Variants in ST8SIA6 observed in about 807,000 individuals in gnomAD.
ST8SIA6 encodes the protein ST8 alpha-N-acetyl-neuraminide alpha-2,8-sialyltransferase 6, also known as alpha-2,8-sialyltransferase 8F.
A neutral mutation model predicts 33.6 loss-of-function variants in ST8SIA6; 39 were observed. The ratio of observed to expected loss-of-function variants is 1.16; its 90% CI spans 0.90 to 1.52. The LOEUF (loss-of-function observed/expected upper bound fraction) is 1.52. ST8SIA6 is among the 40% of genes most tolerant of loss of function. The pLI is 0.00. For missense variants in ST8SIA6, 441 were observed against 443.8 expected, an observed-to-expected ratio of 0.99 and a Z score of 0.06; for synonymous variants, 172 against 167.2, an observed-to-expected ratio of 1.03 and a Z score of -0.22.
intron 2 of ST8SIA6, among the ~76,000 whole-genome samples, chr10:17,450,088 T>C (rs1422696603): frequency 1.3e-5 from 2 of 152,192 alleles, no homozygotes; most frequent in Non-Finnish European, 2.9e-5. Flanking sequence ...GAGGTGGCTG[T>C]GGAGCTAGCT....
chr10:17,428,049 C>A (rs1851990642), intron 2 of ST8SIA6, among the ~76,000 whole-genome samples: 1 of 152,214 alleles, frequency 6.6e-6, no homozygotes, highest in South Asian at 2.1e-4. Flanking sequence ...CATTTTGAGA[C>A]ATTGTTTTGA....
At chr10:17,407,166 C>A (rs544942173) in intron 2 of ST8SIA6, among the ~76,000 whole-genome samples, 216 of 152,306 alleles carry the variant, frequency 1.4e-3, no homozygotes, top group Non-Finnish European at 2.5e-3. Flanking sequence ...ACCCACATAG[C>A]TTAAAGTCAG....
chr10:17,342,833 C>T (rs1483670309), intron 4 of ST8SIA6, among the ~76,000 whole-genome samples: 1 of 152,130 alleles, frequency 6.6e-6, no homozygotes, highest in African/African-American at 2.4e-5. Flanking sequence ...CCTGTAGTCC[C>T]AGCTACTCAG....
intron 2 of ST8SIA6, among the ~76,000 whole-genome samples, chr10:17,397,674 T>C (rs2131673445): frequency 6.6e-6 from 1 of 152,306 alleles, no homozygotes; most frequent in Non-Finnish European, 1.5e-5. Flanking sequence ...TTGTTAACCA[T>C]TAATTGGTAC....
At position 17,320,852 on chromosome 10, in the gene ST8SIA6, A is replaced by G; in HGVS notation, c.*26T>C. 1 of 1,605,210 alleles carries G rather than the reference A, an allele frequency of 6.2e-7. No homozygotes were observed. The highest frequency in any genetic ancestry group is 8.5e-7 in the Non-Finnish European group (1 of 1,172,714). On this transcript the variant is annotated 3_prime_UTR_variant, in exon 8 of 8. Transcript: ENST00000377602. ...TAATCACCTACTGCATTATATTAAA[A>G]TTATTCCCATTTTAAGATACTTTGT...
intron 2 of ST8SIA6, 142 bp downstream of exon 2, chr10:17,453,416 TC>T (rs1383495724): frequency 3.4e-5 from 16 of 477,396 alleles, no homozygotes; most frequent in African/African-American, 2.6e-4. Flanking sequence ...CCCCGCGCCC[TC>T]TTCAAACACA....
At chr10:17,368,781 G>A (rs1849643275) in intron 3 of ST8SIA6, among the ~76,000 whole-genome samples, 1 of 152,096 alleles carries the variant, frequency 6.6e-6, no homozygotes, top group Non-Finnish European at 1.5e-5. Flanking sequence ...AAAGGCTGGA[G>A]GTAAAGGCAG....
At chr10:17,395,625 G>A (rs1051086844) in intron 2 of ST8SIA6, among the ~76,000 whole-genome samples, 2 of 152,182 alleles carry the variant, frequency 1.3e-5, no homozygotes, top group Admixed American at 1.3e-4. Context: ...GCTAATGCCT[G>A]TAATCTGAGC....
chr10:17,453,821 G>A (rs1564473144), intron 1 of ST8SIA6, among the ~76,000 whole-genome samples, 164 bp from the exon 2 acceptor site: 1 of 152,226 alleles, frequency 6.6e-6, no homozygotes, highest in Non-Finnish European at 1.5e-5. Context: ...CGGGAAGGAA[G>A]AGACAGCAAG....
intron 2 of ST8SIA6, chr10:17,413,226 G>A (rs182696224): frequency 2.7e-5 from 4 of 150,812 alleles, no homozygotes; most frequent in East Asian, 1.9e-4. Flanking sequence ...GGCATTGAAC[G>A]CTTCCATTTA....
intron 2 of ST8SIA6, among the ~76,000 whole-genome samples, chr10:17,451,105 ATTTCTTAAGGATTCAATGAATTAAATG>A (rs78300360): frequency 0.039 from 5,971 of 152,268 alleles, 171 homozygotes; most frequent in South Asian, 0.057. Flanking sequence ...TTGTCTTAGT[ATTTCTTAAGGATTCAATGAATTAAATG>A]TAAAGTGCTT....
intron 2 of ST8SIA6, among the ~76,000 whole-genome samples, chr10:17,405,409 T>A (rs1339259515): frequency 6.6e-6 from 1 of 151,750 alleles, no homozygotes; most frequent in Non-Finnish European, 1.5e-5. Context: ...ATCATTTTCG[T>A]AGCTGTATGA....
intron 7 of ST8SIA6, among the ~76,000 whole-genome samples, 155 bp downstream of exon 7, chr10:17,322,910 C>T (rs539358509): frequency 6.6e-6 from 1 of 152,224 alleles, no homozygotes; most frequent in African/African-American, 2.4e-5. Context: ...GATAGAATGC[C>T]ACAATTTGCA....
At chr10:17,361,567 A>G (rs1849391618) in intron 3 of ST8SIA6, among the ~76,000 whole-genome samples, 1 of 151,268 alleles carries the variant, frequency 6.6e-6, no homozygotes, top group Non-Finnish European at 1.5e-5. Flanking sequence ...AAATGGCTTC[A>G]CTGGAGAATT....
chr10:17,407,896 C>T (rs1851325500), intron 2 of ST8SIA6: 1 of 152,566 alleles, frequency 6.6e-6, no homozygotes, highest in African/African-American at 2.4e-5. Context: ...AGCAGTGAGT[C>T]CATTTGAAAG....
intron 2 of ST8SIA6, among the ~76,000 whole-genome samples, chr10:17,443,213 A>C (rs1288696371): frequency 6.6e-6 from 1 of 152,230 alleles, no homozygotes; most frequent in Non-Finnish European, 1.5e-5. Flanking sequence ...ATATTATAAA[A>C]TACGTATTAT....
At chr10:17,420,269 G>A (rs1203238782) in intron 2 of ST8SIA6, among the ~76,000 whole-genome samples, 3 of 152,106 alleles carry the variant, frequency 2.0e-5, no homozygotes, top group African/African-American at 7.2e-5. Context: ...AAAATTAGCT[G>A]GGTGTGGTGG....
chr10:17,360,910 GAGGAAGAAGGGAAGAAGAAGAGGAAA>G (rs1849361654), intron 3 of ST8SIA6, among the ~76,000 whole-genome samples: 1 of 98,896 alleles, frequency 1.0e-5, no homozygotes, highest in South Asian at 4.1e-4. Flanking sequence ...AGAAGAAGAA[GAGGAAGAAGGGAAGAAGAAGAGGAAA>G]AGGAAGAAGA....
intron 2 of ST8SIA6, among the ~76,000 whole-genome samples, chr10:17,429,045 C>G (rs1485705766): frequency 1.3e-5 from 2 of 151,842 alleles, no homozygotes; most frequent in Admixed American, 1.3e-4. Flanking sequence ...ATACAGTAAG[C>G]GGGATCTGGG....
Sources: gnomAD v4.1 joint callset for allele counts (sites outside exome capture counted in the v4.1 genomes callset) on GRCh38, gnomAD v4.1.1 for gene constraint, MANE v1.5 for transcripts, NCBI Gene and HGNC (gene_info 2026-07-23, HGNC 2026-07-21) for gene names.